MIB1: variants seen among roughly 807,000 people sequenced by gnomAD.
The protein encoded by MIB1 is E3 ubiquitin-protein ligase MIB1.
Under a neutral mutation model 124.5 loss-of-function variants are expected in MIB1, and 278 were observed. The observed-to-expected ratio is 2.23, with a 90% CI of 2.02 to 2.47. The LOEUF (loss-of-function observed/expected upper bound fraction) is 2.47, where lower values mean the gene tolerates loss of function less well. Ranked by LOEUF, MIB1 falls within the 30% of genes most tolerant of loss-of-function variation. The pLI, the probability that MIB1 is intolerant of heterozygous loss-of-function variation, is 0.00. For synonymous variants in MIB1, 446 were observed against 429.4 expected (o/e 1.04, Z -0.48); for missense variants, 957 against 1,254.4 (o/e 0.76, Z 3.58).
At chr18:21,726,543 C>T (rs565887087) in intron 1 of MIB1, among the ~76,000 whole-genome samples, 1 of 152,226 alleles carries the variant, frequency 6.6e-6, no homozygotes, top group Admixed American at 6.5e-5. Flanking sequence ...TCATCATGCC[C>T]AATAGAGTTC....
chr18:21,766,374 A>G (rs2041159240), intron 2 of MIB1, among the ~76,000 whole-genome samples: 1 of 145,686 alleles, frequency 6.9e-6, no homozygotes. Context: ...TAAATAAGAC[A>G]CATAGTATTC....
At chr18:21,864,432 C>A (rs76239227) in intron 20 of MIB1, 94 bp from the exon 21 acceptor site, 1 of 1,010,696 alleles carries the variant, frequency 9.9e-7, no homozygotes, top group South Asian at 1.9e-5. Flanking sequence ...TATTATTTGA[C>A]TAAAACAACT....
chr18:21,752,542 G>A (rs572719358), intron 1 of MIB1, among the ~76,000 whole-genome samples: 1 of 152,108 alleles, frequency 6.6e-6, no homozygotes, highest in Admixed American at 6.5e-5. Context: ...TTCATACAAC[G>A]AACTCATGTA....
Position 21,866,708 on chromosome 18 carries a change from AG to A in MIB1, c.*2043del, listed in dbSNP as rs1422243248. 1 of 152,240 alleles carries A rather than the reference AG, an allele frequency of 6.6e-6. No homozygotes were observed. Among genetic ancestry groups the A allele is most frequent in the Non-Finnish European group, 1.5e-5 (1 of 68,042 alleles). 9.4% of individuals were successfully genotyped at this position (152,240 alleles called of 1,614,324 possible). On this transcript the variant is annotated 3_prime_UTR_variant, in exon 21 of 21. Coordinates refer to ENST00000261537, the MANE Select transcript of MIB1 (RefSeq NM_020774.4). ...CTAAAACAGATCCCTAAAAGGTAAT[AG>A]CATCTTCCAGACTAGTTTAATTATT...
chr18:21,835,738 C>G (rs576324178), intron 12 of MIB1, among the ~76,000 whole-genome samples: 2 of 147,616 alleles, frequency 1.4e-5, no homozygotes, highest in Middle Eastern at 3.5e-3. Flanking sequence ...CTACTGCACT[C>G]CAGCCTGGGC....
intron 18 of MIB1, among the ~76,000 whole-genome samples, chr18:21,856,014 A>T (rs1449922376): frequency 1.3e-5 from 2 of 151,742 alleles, no homozygotes; most frequent in Non-Finnish European, 2.9e-5. Flanking sequence ...GTGGATCATG[A>T]GGTCAGGAGA....
chr18:21,787,128 C>G (rs1462511317), intron 6 of MIB1, among the ~76,000 whole-genome samples: 1 of 151,828 alleles, frequency 6.6e-6, no homozygotes, highest in Non-Finnish European at 1.5e-5. Flanking sequence ...TTATAGATTG[C>G]TGCCTGCCTC....
At chr18:21,747,734 G>T (rs1256541006) in intron 1 of MIB1, among the ~76,000 whole-genome samples, 1 of 152,180 alleles carries the variant, frequency 6.6e-6, no homozygotes, top group Non-Finnish European at 1.5e-5. Flanking sequence ...TTTCCAGCCT[G>T]TCCCTCTGAT....
intron 8 of MIB1, among the ~76,000 whole-genome samples, chr18:21,799,078 T>G (rs1326419927): frequency 6.6e-6 from 1 of 151,928 alleles, no homozygotes; most frequent in Non-Finnish European, 1.5e-5. Context: ...AGTAAAAGAG[T>G]GAAGGACAGT....
Position 21,844,140 on chromosome 18 carries a change from GATACTCC to G in MIB1, c.2099_2105del (p.Asp700ValfsTer6). ...GCTTGATATTCAGGATAAGGATGGGGATACTCCTTTGCATGAAGCTCTAAGGCATCAC... is the reference window on the plus strand; with the variant it reads ...GCTTGATATTCAGGATAAGGATGGGGTTTGCATGAAGCTCTAAGGCATCAC... On this transcript the variant is annotated frameshift_variant, in exon 15 of 21. Transcript: ENST00000261537. LOFTEE classifies it high-confidence loss of function. 1 of 1,614,032 alleles carries G rather than the reference GATACTCC, an allele frequency of 6.2e-7. No homozygotes were observed. The highest frequency in any genetic ancestry group is 8.5e-7 in the Non-Finnish European group (1 of 1,179,978).
Position 21,741,709 on chromosome 18 carries a change from CGAGA to C in MIB1, c.128_131del (p.Glu43AlafsTer7). 6.2e-7 allele frequency: 1 copy of C among 1,611,528 alleles called. No homozygotes were observed. The highest frequency in any genetic ancestry group is 8.5e-7 in the Non-Finnish European group (1 of 1,179,378). On this transcript the variant is annotated frameshift_variant, in exon 1 of 21. Coordinates refer to ENST00000261537, the MANE Select transcript of MIB1 (RefSeq NM_020774.4). LOFTEE classifies it high-confidence loss of function. This position sits in a 1 kb window ranked among gnomAD's most constrained non-coding sequence, Gnocchi z 5.4. ...GCCATGTGGGCACCGTCCGGAGCTTCGAGAGCCCCGAGGAGGTGGTGGTAGTGTG... is the reference window on the plus strand; with the variant it reads ...GCCATGTGGGCACCGTCCGGAGCTTCGCCCCGAGGAGGTGGTGGTAGTGTG...
rs771449799 is a variant in MIB1 at position 21,741,828 on chromosome 18, C to G, written c.229+16C>G. 4 of 1,567,022 alleles carry G rather than the reference C, an allele frequency of 2.6e-6. No homozygotes were observed. Among genetic ancestry groups the G allele is most frequent in the South Asian group, 1.2e-5 (1 of 86,052 alleles). On this transcript the variant is annotated intron_variant, in intron 1 of 20. Coordinates refer to ENST00000261537, the MANE Select transcript of MIB1 (RefSeq NM_020774.4). This position sits in a 1 kb window ranked among gnomAD's most constrained non-coding sequence, Gnocchi z 5.4. ...GCGCCCACCGGTAAGCCGCGGCCAC[C>G]TGGCCAGGGCTTGCGCGCGCGGGGG...
chr18:21,853,357 C>G, intron 18 of MIB1, 139 bp downstream of exon 18: 1 of 625,592 alleles, frequency 1.6e-6, no homozygotes, highest in Non-Finnish European at 2.8e-6. Context: ...CCTTCTATTT[C>G]TTTCTCTGTA....
upstream of MIB1, among the ~76,000 whole-genome samples, chr18:21,738,807 A>C (rs1175592087): frequency 1.6e-4 from 1 of 6,356 alleles, no homozygotes; most frequent in Non-Finnish European, 4.1e-4. Context: ...ACTCCATCTC[A>C]AAAAAAAAAA....
At chr18:21,806,748 C>T (rs537099833) in intron 10 of MIB1, among the ~76,000 whole-genome samples, 7 of 152,044 alleles carry the variant, frequency 4.6e-5, no homozygotes, top group South Asian at 2.1e-4. Context: ...CTCAGCCTCC[C>T]GAGTAGCTGG....
rs577078486 is a variant in MIB1, at chr18:21,795,407, CATAT to C, written c.1093-2671_1093-2668del. ...ATATTTATTTTTATATATACACACACATATATATAATATATAATTATTAGGACAA... is the reference window on the plus strand; with the variant it reads ...ATATTTATTTTTATATATACACACACATATAATATATAATTATTAGGACAA... On this transcript the variant is annotated intron_variant, in intron 7 of 20. Transcript: ENST00000261537. Among the ~76,000 whole-genome samples the C allele has an allele frequency of 3.5e-5, 5 of 143,432 alleles. No homozygotes were observed. The South Asian group carries it at 8.6e-4, about 25-fold the overall frequency. 94.1% of individuals were successfully genotyped at this position (143,432 alleles called of 152,430 possible). A position where few individuals can be genotyped will look rare whatever the true frequency, so the allele number is the denominator to read the frequency against.
intron 6 of MIB1, among the ~76,000 whole-genome samples, chr18:21,780,961 C>G (rs2041354180): frequency 1.3e-5 from 2 of 152,266 alleles, no homozygotes; most frequent in East Asian, 3.9e-4. Flanking sequence ...CATACTGTTT[C>G]TCATAGTGGC....
chr18:21,781,418 ATT>A (rs2041366796), intron 6 of MIB1, among the ~76,000 whole-genome samples: 1 of 97,298 alleles, frequency 1.0e-5, no homozygotes, highest in African/African-American at 3.8e-5. Context: ...TATATATAAA[ATT>A]ATTATTATTA....
At chr18:21,766,442 A>G (rs1466842859) in intron 2 of MIB1, among the ~76,000 whole-genome samples, 1 of 152,194 alleles carries the variant, frequency 6.6e-6, no homozygotes, top group East Asian at 1.9e-4. Context: ...GTGATGTTTT[A>G]GACTGTGTTA....
Sources: gnomAD v4.1 joint callset for allele counts (sites outside exome capture counted in the v4.1 genomes callset) on GRCh38, gnomAD v4.1.1 for gene constraint, Gnocchi (gnomAD v3.1) non-coding constraint, MANE v1.5 for transcripts, NCBI Gene and HGNC (gene_info 2026-07-23, HGNC 2026-07-21) for gene names.